ADGRG6: variants seen among roughly 807,000 people sequenced by gnomAD.
ADGRG6 encodes G-protein coupled receptor 126.
A neutral mutation model predicts 142.4 loss-of-function variants in ADGRG6; 84 were observed. The ratio of observed to expected loss-of-function variants is 0.59; its 90% CI spans 0.49 to 0.71. The LOEUF is 0.71. Among genes scored for constraint, ADGRG6 ranks in the 30% least tolerant of loss-of-function variants. ADGRG6 has a pLI of 0.00. For missense variants in ADGRG6, 1,367 were observed against 1,466.6 expected, an observed-to-expected ratio of 0.93 and a Z score of 1.11; for synonymous variants, 521 against 520.5, an observed-to-expected ratio of 1.00 and a Z score of -0.01.
rs1278929525 is a variant in ADGRG6 at position 142,318,227 on chromosome 6, T to TTA, written c.103+8587_103+8588dup. Among the ~76,000 whole-genome samples, 21 of 44,472 alleles carry TTA rather than the reference T, an allele frequency of 4.7e-4. 1 individual carries two copies. The highest frequency in any genetic ancestry group is 1.8e-3 in the African/African-American group (15 of 8,268). The allele number at this position is 44,472 out of a possible 152,430, so 29.2% of individuals were successfully genotyped here. A position where few individuals can be genotyped will look rare whatever the true frequency, so the allele number is the denominator to read the frequency against. On this transcript the variant is annotated intron_variant, in intron 2 of 24. Coordinates refer to ENST00000367609, the MANE Select transcript of ADGRG6 (RefSeq NM_198569.3). Reference sequence around the variant, plus strand: ...ATATATATTTATATATTATATATATTTATATTATATATATTTATATATTAT... The same window carrying TTA: ...ATATATATTTATATATTATATATATTTATATATTATATATATTTATATATTAT...
intron 16 of ADGRG6, among the ~76,000 whole-genome samples, chr6:142,408,766 A>G (rs997660690): frequency 2.0e-5 from 3 of 152,068 alleles, no homozygotes; most frequent in Non-Finnish European, 2.9e-5. Context: ...TGTTTGATAA[A>G]ATTAGATGGA....
intron 2 of ADGRG6, among the ~76,000 whole-genome samples, chr6:142,343,463 G>T (rs1280681558): frequency 1.3e-5 from 2 of 151,536 alleles, no homozygotes; most frequent in African/African-American, 2.4e-5. Context: ...AAAAAAACAT[G>T]TATTTTTCCT....
intron 6 of ADGRG6, among the ~76,000 whole-genome samples, chr6:142,385,816 C>G (rs547628141): frequency 1.3e-5 from 2 of 152,156 alleles, no homozygotes; most frequent in African/African-American, 4.8e-5. Flanking sequence ...CTTATGAATA[C>G]ATGCTATTTA....
chr6:142,330,354 G>A (rs1778989884), intron 2 of ADGRG6, among the ~76,000 whole-genome samples: 2 of 151,922 alleles, frequency 1.3e-5, no homozygotes, highest in African/African-American at 2.4e-5. Flanking sequence ...AAAAAAAAAT[G>A]AAATAAAATG....
chr6:142,436,455 G>A (rs1470914883), intron 22 of ADGRG6, among the ~76,000 whole-genome samples: 1 of 148,478 alleles, frequency 6.7e-6, no homozygotes, highest in Non-Finnish European at 1.5e-5. Context: ...AGTGGTCATA[G>A]TAGGGTCATG....
At position 142,437,533 on chromosome 6, in the gene ADGRG6, C is replaced by T. The variant is rs751539485; in HGVS notation, c.3419C>T (p.Ser1140Leu). 4 of 1,401,572 alleles carry T rather than the reference C, an allele frequency of 2.9e-6. No homozygotes were observed. Among genetic ancestry groups the T allele is most frequent in the African/African-American group, 1.4e-5 (1 of 70,852 alleles). The allele number at this position is 1,401,572 out of a possible 1,614,324, so 86.8% of individuals were successfully genotyped here. A position where few individuals can be genotyped will look rare whatever the true frequency, so the allele number is the denominator to read the frequency against. ...GGTAGATTTCGGTTAGCAGATAACT[C>T]AGGTAAAGAGTTGTTGATTAAATTT... ...CCGRFRLADN[S>L]DWSKTATNII... The change falls in exon 23 of 25, where the codon TCA becomes TTA. Residue 1140 changes from serine to leucine, a missense_variant and splice_region_variant. By Grantham distance (145) the Ser-to-Leu change is moderately radical. Coordinates refer to ENST00000367609, the MANE Select transcript of ADGRG6 (RefSeq NM_198569.3).
At chr6:142,428,076 C>G (rs1444207608) in intron 22 of ADGRG6, among the ~76,000 whole-genome samples, 2 of 152,038 alleles carry the variant, frequency 1.3e-5, no homozygotes, top group African/African-American at 4.8e-5. Flanking sequence ...AACTTTGGCT[C>G]AAGCATGTTA....
At chr6:142,415,126 T>C in intron 19 of ADGRG6, 30 bp downstream of exon 19, 1 of 1,582,280 alleles carries the variant, frequency 6.3e-7, no homozygotes, top group African/African-American at 1.4e-5. Context: ...GCCAAACCCA[T>C]TGCTAACTGT....
intron 2 of ADGRG6, among the ~76,000 whole-genome samples, chr6:142,320,908 A>C (rs937113849): frequency 6.6e-6 from 1 of 152,050 alleles, no homozygotes; most frequent in African/African-American, 2.4e-5. Flanking sequence ...AGGCTGATAA[A>C]TTCTATATCT....
At chr6:142,343,475 A>C (rs568206225) in intron 2 of ADGRG6, among the ~76,000 whole-genome samples, 1 of 151,840 alleles carries the variant, frequency 6.6e-6, no homozygotes, top group Non-Finnish European at 1.5e-5. Flanking sequence ...ATTTTTCCTC[A>C]TGATCTTATT....
intron 22 of ADGRG6, among the ~76,000 whole-genome samples, chr6:142,425,567 A>G (rs540228928): frequency 6.6e-6 from 1 of 152,306 alleles, no homozygotes; most frequent in African/African-American, 2.4e-5. Context: ...AACTGTGCTA[A>G]ACATATTTTA....
At chr6:142,431,381 C>T (rs74708134) in intron 22 of ADGRG6, among the ~76,000 whole-genome samples, 1,863 of 152,248 alleles carry the variant, frequency 0.012, 18 homozygotes, top group Middle Eastern at 0.099. Flanking sequence ...CATGAGCTCC[C>T]TTTTGTGATA....
At chr6:142,428,888 A>AT (rs1224221479) in intron 22 of ADGRG6, among the ~76,000 whole-genome samples, 3 of 152,054 alleles carry the variant, frequency 2.0e-5, no homozygotes, top group African/African-American at 7.2e-5. Context: ...CATTTTGTTG[A>AT]TTTTTTTCCT....
At chr6:142,340,540 T>G (rs538920589) in intron 2 of ADGRG6, among the ~76,000 whole-genome samples, 1 of 152,216 alleles carries the variant, frequency 6.6e-6, no homozygotes, top group Non-Finnish European at 1.5e-5. Context: ...CACATATACA[T>G]TGTGCAAATC....
At position 142,382,151 on chromosome 6, in the gene ADGRG6, T is replaced by G. The variant is rs910040444; in HGVS notation, c.1138+132T>G. ...CCAGAAAACAGCAAAACAGAAGAATTTCTGCATGTGTTTTAGTTGTGTGGG... is the reference window on the plus strand; with the variant it reads ...CCAGAAAACAGCAAAACAGAAGAATGTCTGCATGTGTTTTAGTTGTGTGGG... On this transcript the variant is annotated intron_variant, in intron 5 of 24. Coordinates refer to ENST00000367609, the MANE Select transcript of ADGRG6 (RefSeq NM_198569.3). 9 of 630,288 alleles carry G rather than the reference T, an allele frequency of 1.4e-5. No homozygotes were observed. The African/African-American group carries it at 1.7e-4, about 12-fold the overall frequency. 39.0% of individuals were successfully genotyped at this position (630,288 alleles called of 1,614,324 possible). A position where few individuals can be genotyped will look rare whatever the true frequency, so the allele number is the denominator to read the frequency against.
chr6:142,415,133 CT>C (rs1487747188), intron 19 of ADGRG6, 37 bp downstream of exon 19: 2 of 1,571,500 alleles, frequency 1.3e-6, no homozygotes, highest in African/African-American at 2.7e-5. Context: ...CCATTGCTAA[CT>C]GTTCCAAATG....
In ADGRG6 at chr6:142,392,847, G is replaced by T. The variant is rs527448142; in HGVS notation, c.1309-101G>T. On this transcript the variant is annotated intron_variant, in intron 7 of 24. Transcript: ENST00000367609. ...CCTCCAACTCTTCAGGATTTTCCCA[G>T]GGTCTTATCTCAGTAACAACTTATG... The T allele has an allele frequency of 2.1e-5, 16 of 745,400 alleles. No individual in the cohort carries two copies. The Admixed American group carries it at 3.7e-4, about 17-fold the overall frequency. 46.2% of individuals were successfully genotyped at this position (745,400 alleles called of 1,614,324 possible).
chr6:142,326,482 CA>C (rs1486294968), intron 2 of ADGRG6, among the ~76,000 whole-genome samples: 1 of 149,754 alleles, frequency 6.7e-6, no homozygotes, highest in African/African-American at 2.4e-5. Context: ...TTACAATATA[CA>C]ATAGTGATCG....
intron 22 of ADGRG6, among the ~76,000 whole-genome samples, chr6:142,424,386 G>A (rs1338940972): frequency 1.5e-5 from 2 of 137,622 alleles, no homozygotes; most frequent in African/African-American, 5.4e-5. Flanking sequence ...ATGAAGGGTT[G>A]TTGAATTTTT....
Sources: allele counts gnomAD v4.1 joint callset (sites outside exome capture counted in the v4.1 genomes callset), GRCh38; gene constraint gnomAD v4.1.1; transcripts MANE v1.5; gene names NCBI Gene and HGNC (gene_info 2026-07-23, HGNC 2026-07-21).